Variants in CHST6 observed in about 807,000 individuals in gnomAD.
CHST6 encodes carbohydrate sulfotransferase 6, also known as N-acetylglucosamine 6-O-sulfotransferase 5.
For missense variants in CHST6, 698 were observed against 586.2 expected (o/e 1.19, Z -1.97); for synonymous variants, 309 against 276.4 (o/e 1.12, Z -1.17).
In CHST6 at chr16:75,495,127, C is replaced by G. The variant is rs1283376997; in HGVS notation, c.-279G>C. On this transcript the variant is annotated 5_prime_UTR_variant, in exon 1 of 3. Transcript: ENST00000332272. The stretch of plus-strand genomic sequence containing the variant: ...AGGTCCCAAGACTATTAAGCGACAC[C>G]CGGTGAGGCCGGGAAAGGGGCTCTA... 2 of 152,352 alleles carry G rather than the reference C, an allele frequency of 1.3e-5. No homozygotes were observed. Among genetic ancestry groups the G allele is most frequent in the African/African-American group, 4.8e-5 (2 of 41,452 alleles). 9.4% of individuals were successfully genotyped at this position (152,352 alleles called of 1,614,324 possible). A position where few individuals can be genotyped will look rare whatever the true frequency, so the allele number is the denominator to read the frequency against.
chr16:75,487,681 C>A lies in CHST6; in HGVS notation c.-91-5790G>T, dbSNP rs374469082. On this transcript the variant is annotated intron_variant, in intron 1 of 2. Transcript: ENST00000332272. ...GGGCGTGGTGGCGGGCACCTGTAGT[C>A]CCAGCTACTCAGGAGGCTGAGGTGG... Among the ~76,000 whole-genome samples the A allele has an allele frequency of 1.3e-4, 19 of 151,782 alleles. 2 individuals carry two copies. The East Asian group carries it at 3.3e-3, about 26-fold the overall frequency.
Position 75,479,577 on chromosome 16 carries a change from G to T in CHST6, c.252C>A (p.Ser84Arg). Residue 84 changes from serine to arginine, a missense_variant, in exon 3 of 3, where the codon AGC (serine) becomes AGA (arginine). By Grantham distance (110) the Ser-to-Arg change is moderately radical. Transcript: ENST00000332272. ...WHVWTTLSQG[S>R]AATLHMAVRD... ...GCACAGCCATGTGCAGCGTTGCGGC[G>T]CTGCCCTGCGACAGGGTGGTCCACA... 6.2e-7 allele frequency: 1 copy of T among 1,613,016 alleles called. No individual in the cohort carries two copies. Among genetic ancestry groups the T allele is most frequent in the Non-Finnish European group, 8.5e-7 (1 of 1,179,908 alleles).
chr16:75,478,952 G>A lies in CHST6; in HGVS notation c.877C>T (p.Leu293Phe). 1 of 1,613,102 alleles carries A rather than the reference G, an allele frequency of 6.2e-7. No individual in the cohort carries two copies. Among genetic ancestry groups the A allele is most frequent in the South Asian group, 1.1e-5 (1 of 91,088 alleles). Reference protein sequence around the residue: ...EIRALYAFTGLSLTPQLEAWI... With the variant: ...EIRALYAFTGFSLTPQLEAWI... Reference sequence around the variant, plus strand: ...GCCTCGAGCTGTGGCGTGAGACTGAGCCCAGTGAAGGCGTAGAGCGCACGG... The same window carrying A: ...GCCTCGAGCTGTGGCGTGAGACTGAACCCAGTGAAGGCGTAGAGCGCACGG... Residue 293 changes from leucine (L) to phenylalanine (F), a missense_variant, in exon 3 of 3, where the codon CTC becomes TTC. Leu to Phe is a conservative substitution (Grantham distance 22). Transcript: ENST00000332272.
At position 75,495,210 on chromosome 16, in the gene CHST6, G is replaced by C. The variant is rs1337988325; in HGVS notation, c.-362C>G. On this transcript the variant is annotated 5_prime_UTR_variant, in exon 1 of 3. Coordinates refer to ENST00000332272, the MANE Select transcript of CHST6 (RefSeq NM_021615.5). ...CCACTGGAAGCTCCTGGAGACTCGAGGTAGAACGAATGTGGGAACAGGGCA... is the reference window on the plus strand; with the variant it reads ...CCACTGGAAGCTCCTGGAGACTCGACGTAGAACGAATGTGGGAACAGGGCA... 1.3e-5 allele frequency: 2 copies of C among 152,472 alleles called. No homozygotes were observed. Among genetic ancestry groups the C allele is most frequent in the African/African-American group, 4.8e-5 (2 of 41,470 alleles). 9.4% of individuals were successfully genotyped at this position (152,472 alleles called of 1,614,324 possible).
intron 1 of CHST6, among the ~76,000 whole-genome samples, chr16:75,487,782 G>C (rs1267505763): frequency 3.9e-4 from 49 of 125,186 alleles, no homozygotes; most frequent in African/African-American, 1.4e-3. Context: ...CTGGGTGACA[G>C]ACAGAGTGAG....
intron 1 of CHST6, among the ~76,000 whole-genome samples, chr16:75,491,152 T>G (rs1597485080): frequency 1.2e-5 from 1 of 84,202 alleles, no homozygotes; most frequent in East Asian, 3.9e-4. Flanking sequence ...GTGACAAGAG[T>G]GAAACTCCGT....
intron 1 of CHST6, among the ~76,000 whole-genome samples, chr16:75,486,538 A>G (rs530945856): frequency 6.6e-6 from 1 of 152,302 alleles, no homozygotes; most frequent in East Asian, 1.9e-4. Context: ...CCCACACAGA[A>G]CTATTGGCCT....
rs773888280 is a variant in CHST6 at position 75,478,686 on chromosome 16, G to T, written c.1143C>A (p.Asn381Lys). ...CGGTGGATGATGCCCAAGTGAAGCC[G>T]TTCAGGCCTCGTGGCAGCACCAGAT... ...ALDLVLPRGL[N>K]GFTWASSTAS... Residue 381 changes from asparagine to lysine, a missense_variant, in exon 3 of 3, where the codon AAC (asparagine) becomes AAA (lysine). Transcript: ENST00000332272. The T allele has an allele frequency of 4.3e-6, 7 of 1,613,754 alleles. No individual in the cohort carries two copies. Among genetic ancestry groups the T allele is most frequent in the Non-Finnish European group, 5.9e-6 (7 of 1,180,022 alleles).
At position 75,478,763 on chromosome 16, in the gene CHST6, G is replaced by A; in HGVS notation, c.1066C>T (p.Leu356=). 1 of 1,613,506 alleles carries A rather than the reference G, an allele frequency of 6.2e-7. No individual in the cohort carries two copies. Among genetic ancestry groups the A allele is most frequent in the Non-Finnish European group, 8.5e-7 (1 of 1,180,016 alleles). ...TCAGAGTACACAGGCCGGTAGCCCA[G>A]CAGCTGCAGCGCACCAGCGCACAGT... The part of the protein sequence containing the change: ...QELCAGALQL[L]GYRPVYSEDE... The change falls in exon 3 of 3, where the codon CTG becomes TTG. Residue 356 remains leucine (L), a synonymous_variant. Coordinates refer to ENST00000332272, the MANE Select transcript of CHST6 (RefSeq NM_021615.5).
At chr16:75,479,882 T>G in intron 2 of CHST6, 38 bp from the exon 3 acceptor site, 1 of 1,511,668 alleles carries the variant, frequency 6.6e-7, no homozygotes, top group Non-Finnish European at 8.9e-7. Flanking sequence ...GGCTGCAGCC[T>G]GCACGCCCAT....
chr16:75,482,242 T>C (rs1270912156), intron 1 of CHST6, among the ~76,000 whole-genome samples: 2 of 152,168 alleles, frequency 1.3e-5, no homozygotes, highest in Non-Finnish European at 2.9e-5. Context: ...ACCAGCCCTT[T>C]CGTGGACCTT....
intron 1 of CHST6, among the ~76,000 whole-genome samples, chr16:75,486,728 C>A (rs1209524223): frequency 1.3e-5 from 2 of 152,242 alleles, no homozygotes; most frequent in Admixed American, 6.5e-5. Context: ...ATGGACCCCT[C>A]AGCTGAGGGA....
At position 75,476,395 on chromosome 16, in the gene CHST6, A is replaced by G. The variant is rs1476101490; in HGVS notation, c.*2246T>C. On this transcript the variant is annotated 3_prime_UTR_variant, in exon 3 of 3. Transcript: ENST00000332272. Reference sequence around the variant, plus strand: ...GGTGAAACCCAGTGTCTACAAAAATACAAAAATTAGCTGGGCATGGTGGTG... The same window carrying G: ...GGTGAAACCCAGTGTCTACAAAAATGCAAAAATTAGCTGGGCATGGTGGTG... 6.6e-6 allele frequency: 1 copy of G among 151,322 alleles called. No homozygotes were observed. The highest frequency in any genetic ancestry group is 1.5e-5 in the Non-Finnish European group (1 of 67,920). 9.4% of individuals were successfully genotyped at this position (151,322 alleles called of 1,614,324 possible).
chr16:75,482,841 G>A (rs2738809), intron 1 of CHST6, among the ~76,000 whole-genome samples: 85,341 of 151,784 alleles, frequency 0.56, 24,896 homozygotes, highest in Admixed American at 0.68. Flanking sequence ...AACAGGGGTG[G>A]GTGGAGGATG....
intron 1 of CHST6, among the ~76,000 whole-genome samples, chr16:75,486,867 G>A (rs1448804319): frequency 2.6e-5 from 4 of 152,194 alleles, no homozygotes; most frequent in Non-Finnish European, 4.4e-5. Flanking sequence ...CAGAGCTTCT[G>A]GGGGCTGGCC....
At chr16:75,490,223 A>T (rs1474248460) in intron 1 of CHST6, among the ~76,000 whole-genome samples, 2 of 149,870 alleles carry the variant, frequency 1.3e-5, no homozygotes, top group African/African-American at 4.9e-5. Context: ...TCACGCCTGT[A>T]ATCCCAGCAC....
chr16:75,473,203 CAT>C lies in CHST6; in HGVS notation c.*5436_*5437del, dbSNP rs1428919311. ...AGTGCTGGGCTCAGCTGGCCTCGCT[CAT>C]ATGTCTTTATAGCTACTCTTCTCAA... On this transcript the variant is annotated 3_prime_UTR_variant, in exon 3 of 3. Coordinates refer to ENST00000332272, the MANE Select transcript of CHST6 (RefSeq NM_021615.5). 1 of 152,358 alleles carries C rather than the reference CAT, an allele frequency of 6.6e-6. No individual in the cohort carries two copies. The highest frequency in any genetic ancestry group is 1.5e-5 in the Non-Finnish European group (1 of 68,102). The allele number at this position is 152,358 out of a possible 1,614,324, so 9.4% of individuals were successfully genotyped here.
chr16:75,493,193 C>A (rs1199059613), intron 1 of CHST6, among the ~76,000 whole-genome samples: 1 of 151,870 alleles, frequency 6.6e-6, no homozygotes, highest in Non-Finnish European at 1.5e-5. Context: ...CAAGTTACTT[C>A]CTTCTGTGCC....
chr16:75,472,749 C>CA lies in CHST6; in HGVS notation c.*5891dup, dbSNP rs2080031621. 1 of 152,118 alleles carries CA rather than the reference C, an allele frequency of 6.6e-6. No homozygotes were observed. The highest frequency in any genetic ancestry group is 2.4e-5 in the African/African-American group (1 of 41,416). 9.4% of individuals were successfully genotyped at this position (152,118 alleles called of 1,614,324 possible). A position where few individuals can be genotyped will look rare whatever the true frequency, so the allele number is the denominator to read the frequency against. ...ATGTGGATAATATATCTTCTTGATG[C>CA]AAAATAACAAAAATAAGGCCCACCA... is the stretch of plus-strand genomic sequence containing the variant. On this transcript the variant is annotated 3_prime_UTR_variant, in exon 3 of 3. Coordinates refer to ENST00000332272, the MANE Select transcript of CHST6 (RefSeq NM_021615.5).
Sources: allele counts gnomAD v4.1 joint callset (sites outside exome capture counted in the v4.1 genomes callset), GRCh38; gene constraint gnomAD v4.1.1; transcripts MANE v1.5; gene names NCBI Gene and HGNC (gene_info 2026-07-23, HGNC 2026-07-21).